Variants in TTLL5 observed in about 807,000 individuals in gnomAD.
TTLL5 encodes the protein tubulin polyglutamylase TTLL5.
Under a neutral mutation model 168.4 loss-of-function variants are expected in TTLL5, and 132 were observed. That is an observed-to-expected ratio of 0.78 (90% CI 0.68 to 0.91). The LOEUF is 0.91. Ranked by LOEUF, TTLL5 falls within the 40% of genes least tolerant of loss-of-function variation. The probability of loss-of-function intolerance (pLI) is 0.00; values close to 1 mark genes in which losing one functional copy is unlikely to be tolerated. For missense variants in TTLL5, 1,545 were observed against 1,581.5 expected (o/e 0.98, Z 0.39); for synonymous variants, 546 against 558.6 (o/e 0.98, Z 0.32).
At chr14:75,785,176 CTTTTTTTTTTTTTTT>C (rs903930146) in intron 26 of TTLL5, among the ~76,000 whole-genome samples, 1 of 102,558 alleles carries the variant, frequency 9.8e-6, no homozygotes, top group South Asian at 3.1e-4. Context: ...AGATTTCCTC[CTTTTTTTTTTTTTTT>C]TTTTTTTTGA....
At chr14:75,695,903 C>G (rs1437917339) in intron 6 of TTLL5, among the ~76,000 whole-genome samples, 8 of 141,386 alleles carry the variant, frequency 5.7e-5, no homozygotes, top group Non-Finnish European at 1.2e-4. Context: ...CCTTCCCTTC[C>G]CCTCCCCTCC....
intron 28 of TTLL5, among the ~76,000 whole-genome samples, chr14:75,848,935 T>C (rs1002428574): frequency 5.3e-5 from 8 of 152,208 alleles, no homozygotes; most frequent in Non-Finnish European, 1.0e-4. Flanking sequence ...TATTTCTTCC[T>C]CCTGGGGACC....
intron 29 of TTLL5, among the ~76,000 whole-genome samples, chr14:75,871,452 C>G (rs573018938): frequency 6.6e-6 from 1 of 152,176 alleles, no homozygotes; most frequent in African/African-American, 2.4e-5. Flanking sequence ...CGTCCTCCCC[C>G]ACGACAGAAT....
At chr14:75,837,065 A>C (rs1895907835) in intron 28 of TTLL5, 1 of 152,238 alleles carries the variant, frequency 6.6e-6, no homozygotes, top group Non-Finnish European at 1.5e-5. Flanking sequence ...ATTGAGGAGC[A>C]GCTTAGCTGG....
chr14:75,666,598 T>C (rs1219693690), intron 2 of TTLL5, among the ~76,000 whole-genome samples: 1 of 152,196 alleles, frequency 6.6e-6, no homozygotes, highest in Non-Finnish European at 1.5e-5. Context: ...GGAAGTATCG[T>C]AATGGGCTGA....
intron 29 of TTLL5, among the ~76,000 whole-genome samples, chr14:75,879,566 C>T (rs1335210786): frequency 3.3e-5 from 5 of 152,122 alleles, no homozygotes; most frequent in African/African-American, 1.2e-4. Context: ...ACATGATGAC[C>T]TCCAAAAATC....
At chr14:75,821,616 G>A (rs989445353) in intron 28 of TTLL5, among the ~76,000 whole-genome samples, 3 of 152,176 alleles carry the variant, frequency 2.0e-5, no homozygotes, top group East Asian at 1.9e-4. Context: ...GATGGAATGA[G>A]GGAAAACATT....
chr14:75,924,610 C>G (rs1056933074), intron 31 of TTLL5, among the ~76,000 whole-genome samples: 10 of 151,808 alleles, frequency 6.6e-5, no homozygotes, highest in Non-Finnish European at 1.5e-5. Flanking sequence ...GTAAGGTCAC[C>G]GATCAACAGG....
Position 75,745,222 on chromosome 14 carries a change from C to A in TTLL5, c.1395+14C>A. 1 of 1,612,012 alleles carries A rather than the reference C, an allele frequency of 6.2e-7. No individual in the cohort carries two copies. Among genetic ancestry groups the A allele is most frequent in the South Asian group, 1.1e-5 (1 of 90,884 alleles). On this transcript the variant is annotated intron_variant, in intron 16 of 31. Coordinates refer to ENST00000298832, the MANE Select transcript of TTLL5 (RefSeq NM_015072.5). ...TCAATGGAGGAGGTAAAGATAAGTT[C>A]ATTTTAGGCTTTTGTGGGTTAACAC...
At chr14:75,913,132 G>C (rs1409172421) in intron 31 of TTLL5, among the ~76,000 whole-genome samples, 2 of 152,138 alleles carry the variant, frequency 1.3e-5, no homozygotes, top group South Asian at 4.1e-4. Flanking sequence ...ATATATGCTT[G>C]GGAAAGCAGG....
intron 27 of TTLL5, among the ~76,000 whole-genome samples, chr14:75,800,245 T>C (rs1441373270): frequency 6.6e-6 from 1 of 152,122 alleles, no homozygotes; most frequent in Non-Finnish European, 1.5e-5. Context: ...TCTTCTACTT[T>C]TTTGATTCTA....
chr14:75,763,976 A>T (rs1436285573), intron 18 of TTLL5, among the ~76,000 whole-genome samples: 2 of 152,106 alleles, frequency 1.3e-5, no homozygotes. Context: ...GTATATAATC[A>T]GGATCTTAAA....
intron 31 of TTLL5, among the ~76,000 whole-genome samples, chr14:75,927,036 G>T (rs1566664155): frequency 6.6e-6 from 1 of 152,146 alleles, no homozygotes; most frequent in African/African-American, 2.4e-5. Flanking sequence ...GTTTCTTTTT[G>T]GAGTAATGAA....
At chr14:75,914,033 A>AAAAAAT in intron 31 of TTLL5, among the ~76,000 whole-genome samples, 1 of 71,100 alleles carries the variant, frequency 1.4e-5, no homozygotes, top group Non-Finnish European at 2.1e-5. Flanking sequence ...AAAAAAAAAA[A>AAAAAAT]ATATATATAT....
intron 19 of TTLL5, among the ~76,000 whole-genome samples, chr14:75,765,614 G>A (rs1340692986): frequency 6.6e-6 from 1 of 152,136 alleles, no homozygotes; most frequent in African/African-American, 2.4e-5. Context: ...TGTAATCCCA[G>A]CACTTTAGGA....
At chr14:75,951,928 T>G (rs979459185) in intron 31 of TTLL5, among the ~76,000 whole-genome samples, 1 of 151,922 alleles carries the variant, frequency 6.6e-6, no homozygotes, top group African/African-American at 2.4e-5. Context: ...AAGAAGAAAA[T>G]AGACAAACTG....
At chr14:75,924,324 C>T (rs1406865154) in intron 31 of TTLL5, among the ~76,000 whole-genome samples, 1 of 149,162 alleles carries the variant, frequency 6.7e-6, no homozygotes, top group Non-Finnish European at 1.5e-5. Flanking sequence ...TTGGGTGTTT[C>T]TCGCAGAGGG....
rs1190303848 is a variant in TTLL5, at chr14:75,863,813, A to G, written c.3473A>G (p.Gln1158Arg). 2 of 1,608,950 alleles carry G rather than the reference A, an allele frequency of 1.2e-6. No homozygotes were observed. Among genetic ancestry groups the G allele is most frequent in the Non-Finnish European group, 1.7e-6 (2 of 1,177,954 alleles). Residue 1158 changes from glutamine to arginine, a missense_variant, in exon 29 of 32, where the codon CAA (glutamine) becomes CGA (arginine). Gln to Arg is a conservative substitution (Grantham distance 43, BLOSUM62 1). Coordinates refer to ENST00000298832, the MANE Select transcript of TTLL5 (RefSeq NM_015072.5). ...TTTGCCCTGCAGCAACTTGAACAACAAAAACTTCAGTCCCGGCAGCTCCTG... is the reference window on the plus strand; with the variant it reads ...TTTGCCCTGCAGCAACTTGAACAACGAAAACTTCAGTCCCGGCAGCTCCTG... The part of the protein sequence containing the change: ...LQFALQQLEQ[Q>R]KLQSRQLLDQ...
chr14:75,839,789 G>A (rs2139841155), intron 28 of TTLL5, among the ~76,000 whole-genome samples: 1 of 152,296 alleles, frequency 6.6e-6, no homozygotes, highest in South Asian at 2.1e-4. Context: ...TCTCACTGTA[G>A]TTTTGATATG....
Sources: gnomAD v4.1 joint callset for allele counts (sites outside exome capture counted in the v4.1 genomes callset) on GRCh38, gnomAD v4.1.1 for gene constraint, MANE v1.5 for transcripts, NCBI Gene and HGNC (gene_info 2026-07-23, HGNC 2026-07-21) for gene names.